INPP5D: variants seen among roughly 807,000 people sequenced by gnomAD.
INPP5D encodes the protein inositol polyphosphate-5-phosphatase D.
Under a neutral mutation model 122.9 loss-of-function variants are expected in INPP5D, and 33 were observed. The observed-to-expected ratio is 0.27, with a 90% confidence interval of 0.20 to 0.36. The LOEUF is 0.36. INPP5D is among the 10% of genes least tolerant of loss of function. The pLI is 1.00. For missense variants in INPP5D, 1,053 were observed against 1,412.7 expected (o/e 0.75, Z 4.08); for synonymous variants, 584 against 576.2 (o/e 1.01, Z -0.19).
At chr2:233,065,952 A>T (rs5021550) in intron 1 of INPP5D, among the ~76,000 whole-genome samples, 111,399 of 137,878 alleles carry the variant, frequency 0.81, 43,525 homozygotes, top group Non-Finnish European at 0.88. Flanking sequence ...GCCTTTTTTT[A>T]AAATTATTAT....
chr2:233,114,898 G>T (rs962246974), intron 2 of INPP5D, among the ~76,000 whole-genome samples: 2 of 149,938 alleles, frequency 1.3e-5, no homozygotes, highest in Admixed American at 6.6e-5. Context: ...ACAGAGTTTC[G>T]CTCTTGTCAC....
At chr2:233,118,428 T>C (rs1448874609) in intron 2 of INPP5D, among the ~76,000 whole-genome samples, 1 of 152,092 alleles carries the variant, frequency 6.6e-6, no homozygotes, top group Non-Finnish European at 1.5e-5. Flanking sequence ...CTGGGCCGGC[T>C]CTGTAGCTTC....
intron 3 of INPP5D, among the ~76,000 whole-genome samples, chr2:233,124,947 A>C (rs1693111172): frequency 6.6e-6 from 1 of 152,238 alleles, no homozygotes; most frequent in African/African-American, 2.4e-5. Context: ...GCAGACTCCT[A>C]GTTGTCTTCA....
At chr2:233,132,150 A>G (rs533261270) in intron 5 of INPP5D, among the ~76,000 whole-genome samples, 12 of 152,362 alleles carry the variant, frequency 7.9e-5, no homozygotes, top group Non-Finnish European at 1.5e-4. Context: ...CACTAGGGGA[A>G]AACACATACA....
chr2:233,200,508 C>T (rs547982631), intron 25 of INPP5D, among the ~76,000 whole-genome samples: 81 of 152,280 alleles, frequency 5.3e-4, no homozygotes, highest in Admixed American at 8.5e-4. Context: ...GCGTGCTGTC[C>T]GCCACATGGG....
chr2:233,163,304 T>C (rs1694242712), intron 11 of INPP5D, among the ~76,000 whole-genome samples: 2 of 152,310 alleles, frequency 1.3e-5, no homozygotes, highest in African/African-American at 4.8e-5. Flanking sequence ...AGGGAGACTT[T>C]GTTGTCTCCC....
At chr2:233,111,368 A>G (rs1003957213) in intron 2 of INPP5D, among the ~76,000 whole-genome samples, 3 of 151,834 alleles carry the variant, frequency 2.0e-5, no homozygotes, top group East Asian at 1.9e-4. Flanking sequence ...ACACACACGC[A>G]CACACACACA....
In INPP5D at chr2:233,164,266, C is replaced by A; in HGVS notation, c.1438-41C>A. 6.6e-7 allele frequency: 1 copy of A among 1,523,930 alleles called. No homozygotes were observed. Among genetic ancestry groups the A allele is most frequent in the South Asian group, 1.3e-5 (1 of 79,514 alleles). 94.4% of individuals were successfully genotyped at this position (1,523,930 alleles called of 1,614,324 possible). On this transcript the variant is annotated intron_variant, in intron 12 of 26. Transcript: ENST00000445964. This position sits in a 1 kb window ranked among gnomAD's most constrained non-coding sequence, Gnocchi z 4.3. Reference sequence around the variant, plus strand: ...GAATCACTGTGCCCTGGTTCACACCCTACACTTGGGCCGAGTATTGCAACG... The same window carrying A: ...GAATCACTGTGCCCTGGTTCACACCATACACTTGGGCCGAGTATTGCAACG...
intron 1 of INPP5D, among the ~76,000 whole-genome samples, chr2:233,061,805 G>A (rs1438096436): frequency 6.6e-6 from 1 of 152,242 alleles, no homozygotes; most frequent in Non-Finnish European, 1.5e-5. Flanking sequence ...GCTGAGACCA[G>A]CAGCCTGTGG....
rs534246664 is a variant in INPP5D at position 233,135,602 on chromosome 2, T to A, written c.666-4240T>A. 1.7e-3 allele frequency among the ~76,000 whole-genome samples: 253 copies of A among 150,140 alleles called. 1 individual carries two copies. The highest frequency in any genetic ancestry group is 3.1e-3 in the Non-Finnish European group (211 of 67,532). ...CGACATTTAAAATGTTAAATATTTT[T>A]AAATATTTAATATTTTAATATTTTA... On this transcript the variant is annotated intron_variant, in intron 5 of 26. Transcript: ENST00000445964.
intron 1 of INPP5D, among the ~76,000 whole-genome samples, chr2:233,077,417 TTGGGA>T (rs1691549763): frequency 6.6e-6 from 1 of 152,086 alleles, no homozygotes; most frequent in Non-Finnish European, 1.5e-5. Context: ...TCCCAGCACT[TTGGGA>T]GGCCGAGGTG....
intron 2 of INPP5D, among the ~76,000 whole-genome samples, chr2:233,095,640 A>C (rs897558549): frequency 1.5e-5 from 2 of 135,560 alleles, no homozygotes; most frequent in Non-Finnish European, 3.2e-5. Context: ...AAAAAAAAAA[A>C]AAACAACTCC....
At chr2:233,146,272 G>T (rs1574763299) in intron 7 of INPP5D, 30 bp downstream of exon 7, 1 of 704,244 alleles carries the variant, frequency 1.4e-6, no homozygotes, top group African/African-American at 1.7e-5. Context: ...GGCTTCTCTT[G>T]GTCTCCTCTT....
At chr2:233,074,011 G>A (rs964532972) in intron 1 of INPP5D, among the ~76,000 whole-genome samples, 1 of 152,192 alleles carries the variant, frequency 6.6e-6, no homozygotes, top group Admixed American at 6.5e-5. Context: ...TTTTATCAGT[G>A]ATTCTATTTA....
intron 1 of INPP5D, among the ~76,000 whole-genome samples, chr2:233,077,462 C>T (rs901065691): frequency 1.3e-5 from 2 of 151,920 alleles, no homozygotes; most frequent in East Asian, 1.9e-4. Context: ...GGAGTCGAGA[C>T]CAGCCTGACC....
chr2:233,136,360 T>G (rs1693463229), intron 5 of INPP5D, among the ~76,000 whole-genome samples: 1 of 151,928 alleles, frequency 6.6e-6, no homozygotes, highest in Non-Finnish European at 1.5e-5. Context: ...ACACCTGTAA[T>G]CCCAGCTACT....
chr2:233,202,964 C>G (rs953330064), intron 25 of INPP5D, among the ~76,000 whole-genome samples: 10 of 152,226 alleles, frequency 6.6e-5, no homozygotes, highest in African/African-American at 2.4e-4. Context: ...ACTTGCACCA[C>G]AGCCACCACG....
chr2:233,149,325 T>C (rs1216322153), intron 9 of INPP5D, among the ~76,000 whole-genome samples: 6 of 152,244 alleles, frequency 3.9e-5, no homozygotes, highest in African/African-American at 1.2e-4. Flanking sequence ...GGTCTCGAAC[T>C]CCTGACCACA....
chr2:233,190,627 GGA>G (rs1695031380), intron 22 of INPP5D, among the ~76,000 whole-genome samples: 1 of 152,194 alleles, frequency 6.6e-6, no homozygotes, highest in Non-Finnish European at 1.5e-5. Context: ...GGCAGGCTGT[GGA>G]GGCCCACAGC....
Sources: allele counts gnomAD v4.1 joint callset (sites outside exome capture counted in the v4.1 genomes callset), GRCh38; gene constraint gnomAD v4.1.1; non-coding constraint Gnocchi (gnomAD v3.1); transcripts MANE v1.5; gene names NCBI Gene and HGNC (gene_info 2026-07-23, HGNC 2026-07-21).